ARMH4: variants seen among roughly 807,000 people sequenced by gnomAD.
ARMH4 encodes the protein armadillo-like helical domain-containing protein 4.
A neutral mutation model predicts 61.9 loss-of-function variants in ARMH4; 49 were observed. The ratio of observed to expected loss-of-function variants is 0.79; its 90% CI spans 0.63 to 1.00. ARMH4 has a LOEUF of 1.00. Among genes scored for constraint, ARMH4 ranks in the 50% least tolerant of loss-of-function variants. ARMH4 has a pLI of 0.00. For missense variants in ARMH4, 934 were observed against 930.0 expected (o/e 1.00, Z -0.06); for synonymous variants, 368 against 341.5 (o/e 1.08, Z -0.85).
At chr14:58,006,389 C>G (rs759447559) in intron 6 of ARMH4, among the ~76,000 whole-genome samples, 2 of 152,106 alleles carry the variant, frequency 1.3e-5, no homozygotes, top group Non-Finnish European at 2.9e-5. Flanking sequence ...AAAAATGGAG[C>G]AGGACAGAGG....
At chr14:58,041,684 T>C (rs1883710524) in intron 5 of ARMH4, among the ~76,000 whole-genome samples, 1 of 152,158 alleles carries the variant, frequency 6.6e-6, no homozygotes, top group African/African-American at 2.4e-5. Context: ...ATCAGTGTGC[T>C]GTATTCAGGA....
intron 4 of ARMH4, among the ~76,000 whole-genome samples, chr14:58,099,962 A>C (rs900386403): frequency 6.6e-6 from 1 of 152,210 alleles, no homozygotes; most frequent in Non-Finnish European, 1.5e-5. Flanking sequence ...GGATTTCATT[A>C]GTTAATTTAT....
chr14:58,038,545 A>G (rs1283549921), intron 5 of ARMH4, among the ~76,000 whole-genome samples: 5 of 112,374 alleles, frequency 4.4e-5, no homozygotes, highest in African/African-American at 1.5e-4. Context: ...TAAAATTTAA[A>G]GTATAATAAA....
chr14:58,045,586 A>T (rs1390627666), intron 5 of ARMH4, among the ~76,000 whole-genome samples: 1 of 151,938 alleles, frequency 6.6e-6, no homozygotes, highest in African/African-American at 2.4e-5. Context: ...CGTTCTGCAC[A>T]TGTACCCTAG....
At chr14:58,119,407 CAT>C (rs1249338189) in intron 4 of ARMH4, among the ~76,000 whole-genome samples, 1 of 152,224 alleles carries the variant, frequency 6.6e-6, no homozygotes, top group East Asian at 1.9e-4. Flanking sequence ...AGAATACTTA[CAT>C]ATGTCTATCC....
intron 5 of ARMH4, among the ~76,000 whole-genome samples, chr14:58,014,960 G>C (rs1211677035): frequency 6.6e-6 from 1 of 152,196 alleles, no homozygotes; most frequent in Non-Finnish European, 1.5e-5. Context: ...GTTAATATGA[G>C]CACCTAGTGG....
At chr14:58,008,405 T>C (rs1196944340) in intron 6 of ARMH4, among the ~76,000 whole-genome samples, 1 of 152,232 alleles carries the variant, frequency 6.6e-6, no homozygotes, top group East Asian at 1.9e-4. Flanking sequence ...AAATAAAGTT[T>C]TAAATTTTAA....
intron 4 of ARMH4, among the ~76,000 whole-genome samples, chr14:58,130,443 T>TA (rs1887054656): frequency 1.3e-5 from 2 of 152,222 alleles, no homozygotes. Context: ...CTATGTCTCT[T>TA]ACTGCAGCAA....
chr14:58,135,519 A>G (rs1180885448), intron 2 of ARMH4, among the ~76,000 whole-genome samples: 1 of 151,936 alleles, frequency 6.6e-6, no homozygotes, highest in African/African-American at 2.4e-5. Context: ...GTCAAAATGC[A>G]TAGTATCTTG....
At chr14:58,114,057 G>A (rs973568300) in intron 4 of ARMH4, among the ~76,000 whole-genome samples, 3 of 151,972 alleles carry the variant, frequency 2.0e-5, no homozygotes, top group African/African-American at 7.2e-5. Context: ...TGTCAGTCAT[G>A]GTGGTTCATT....
chr14:58,101,016 C>CT, intron 4 of ARMH4: 1 of 181,026 alleles, frequency 5.5e-6, no homozygotes, highest in Non-Finnish European at 1.2e-5. Flanking sequence ...CTGTGGGACA[C>CT]TAAGGCCCAC....
rs1377460870 is a variant in ARMH4, at chr14:58,034,089, G to A, written c.2090-21939C>T. ...TACTCCTCTAGAACAGCAACTCCAA[G>A]ACACATAATTGTCAGATTCACCAAA... is the stretch of plus-strand genomic sequence containing the variant. On this transcript the variant is annotated intron_variant, in intron 5 of 7. Coordinates refer to ENST00000267485, the MANE Select transcript of ARMH4 (RefSeq NM_001001872.4). Among the ~76,000 whole-genome samples, 8 of 130,140 alleles carry A rather than the reference G, an allele frequency of 6.1e-5. 1 individual carries two copies. Among genetic ancestry groups the A allele is most frequent in the African/African-American group, 2.2e-4 (8 of 35,696 alleles). The allele number at this position is 130,140 out of a possible 152,430, so 85.4% of individuals were successfully genotyped here.
chr14:58,059,494 T>G (rs1277236198), intron 5 of ARMH4, among the ~76,000 whole-genome samples: 1 of 152,246 alleles, frequency 6.6e-6, no homozygotes, highest in Non-Finnish European at 1.5e-5. Context: ...CAGTATGCCT[T>G]CCCAAGATCT....
chr14:58,134,200 A>G (rs1887225535), intron 2 of ARMH4, among the ~76,000 whole-genome samples: 1 of 152,232 alleles, frequency 6.6e-6, no homozygotes, highest in Admixed American at 6.5e-5. Context: ...GCCTTTGTTC[A>G]CATTGCCAGC....
intron 5 of ARMH4, among the ~76,000 whole-genome samples, chr14:58,027,167 A>T (rs527289584): frequency 6.6e-6 from 1 of 152,362 alleles, no homozygotes; most frequent in Admixed American, 6.5e-5. Context: ...AGAACACCTG[A>T]GCACTGATGA....
intron 2 of ARMH4, among the ~76,000 whole-genome samples, chr14:58,133,974 T>C (rs1449777093): frequency 6.6e-6 from 1 of 152,196 alleles, no homozygotes; most frequent in African/African-American, 2.4e-5. Flanking sequence ...CCTTAGTCAC[T>C]TACTAGCTGT....
intron 1 of ARMH4, among the ~76,000 whole-genome samples, chr14:58,144,741 G>A (rs1042731605): frequency 3.3e-5 from 5 of 151,912 alleles, no homozygotes; most frequent in Admixed American, 6.6e-5. Context: ...GGTGGCGGGC[G>A]CCTGTAGTCC....
At chr14:58,078,950 A>T (rs1885135464) in intron 5 of ARMH4, among the ~76,000 whole-genome samples, 1 of 152,232 alleles carries the variant, frequency 6.6e-6, no homozygotes, top group Admixed American at 6.5e-5. Context: ...AGCTTCTGGG[A>T]AAGTCTTTCT....
chr14:58,142,410 C>G (rs759223660), intron 1 of ARMH4, among the ~76,000 whole-genome samples: 4 of 152,120 alleles, frequency 2.6e-5, no homozygotes, highest in Non-Finnish European at 5.9e-5. Context: ...TGGCTGAAGA[C>G]AAAAAGAAGC....
Sources: gnomAD v4.1 joint callset for allele counts (sites outside exome capture counted in the v4.1 genomes callset) on GRCh38, gnomAD v4.1.1 for gene constraint, MANE v1.5 for transcripts, NCBI Gene and HGNC (gene_info 2026-07-23, HGNC 2026-07-21) for gene names.